The following EYS variants were observed in gnomAD, a reference collection of about 807,000 sequenced individuals.
EYS encodes the protein EGF-like photoreceptor maintenance factor.
Under a neutral mutation model 282.1 loss-of-function variants are expected in EYS, and 250 were observed. The observed-to-expected ratio is 0.89, with a 90% CI of 0.80 to 0.98. The LOEUF (loss-of-function observed/expected upper bound fraction) is 0.98, where lower values mean the gene tolerates loss of function less well. Among genes scored for constraint, EYS ranks in the 50% least tolerant of loss-of-function variants. EYS has a pLI of 0.00. For synonymous variants in EYS, 1,355 were observed against 1,282.9 expected (o/e 1.06, Z -1.20); for missense variants, 4,016 against 3,709.0 (o/e 1.08, Z -2.15).
chr6:65,028,230 A>G (rs1023939604), intron 13 of EYS, among the ~76,000 whole-genome samples: 5 of 152,068 alleles, frequency 3.3e-5, no homozygotes, highest in African/African-American at 1.2e-4. Flanking sequence ...TGCTTTACTC[A>G]GAGTCCCAAA....
At chr6:63,982,076 A>C (rs945090790) in intron 35 of EYS, among the ~76,000 whole-genome samples, 2 of 151,900 alleles carry the variant, frequency 1.3e-5, no homozygotes, top group African/African-American at 4.8e-5. Flanking sequence ...CATGCAGATA[A>C]GAGGTTTACT....
chr6:65,456,544 T>TA (rs936813366), intron 5 of EYS, among the ~76,000 whole-genome samples: 3 of 151,686 alleles, frequency 2.0e-5, no homozygotes, highest in African/African-American at 7.3e-5. Context: ...TTTATAATTA[T>TA]AAAAAAAAGA....
chr6:65,674,445 C>T (rs140392146), intron 1 of EYS, among the ~76,000 whole-genome samples: 1,521 of 105,236 alleles, frequency 0.014, 54 homozygotes, highest in African/African-American at 0.051. Context: ...AGCAAGACTC[C>T]GTCTCAAAAA....
At chr6:64,471,022 A>G (rs988939663) in intron 26 of EYS, among the ~76,000 whole-genome samples, 1 of 152,198 alleles carries the variant, frequency 6.6e-6, no homozygotes, top group Non-Finnish European at 1.5e-5. Context: ...GCCTTCTTCC[A>G]AGGGACACTA....
chr6:65,280,863 A>G (rs573759102), intron 12 of EYS, among the ~76,000 whole-genome samples: 1 of 134,860 alleles, frequency 7.4e-6, no homozygotes, highest in East Asian at 2.1e-4. Flanking sequence ...ACTAAAAAAA[A>G]AAATATATAT....
chr6:64,450,670 G>C (rs938175341), intron 26 of EYS, among the ~76,000 whole-genome samples: 1 of 152,124 alleles, frequency 6.6e-6, no homozygotes, highest in African/African-American at 2.4e-5. Context: ...TCAGACCACA[G>C]TGCAATCAAA....
intron 22 of EYS, among the ~76,000 whole-genome samples, chr6:64,633,875 G>T (rs1024128406): frequency 3.9e-5 from 6 of 152,052 alleles, no homozygotes; most frequent in African/African-American, 1.4e-4. Context: ...AATCCAGCTC[G>T]CATCTTGAGT....
intron 31 of EYS, among the ~76,000 whole-genome samples, chr6:64,093,998 A>T (rs998167154): frequency 6.6e-6 from 1 of 152,166 alleles, no homozygotes; most frequent in Admixed American, 6.5e-5. Flanking sequence ...CCTTTTCTGC[A>T]TCTATTGAGG....
rs145406932 is a variant in EYS, at chr6:65,079,478, T to G, written c.2024-21751A>C. On this transcript the variant is annotated intron_variant, in intron 12 of 42. Coordinates refer to ENST00000503581, the MANE Select transcript of EYS (RefSeq NM_001142800.2). ...CAATTCCAATGAAAAGTTATCCAAA[T>G]TAAGATGCCCTGTAAATATAAAATA... Among the ~76,000 whole-genome samples, 9 of 152,084 alleles carry G rather than the reference T, an allele frequency of 5.9e-5. No homozygotes were observed. The East Asian group carries it at 1.4e-3, about 23-fold the overall frequency.
intron 22 of EYS, among the ~76,000 whole-genome samples, chr6:64,692,999 T>TTTTTTTTTTTTTTTTTTTAG (rs1770444903): frequency 1.5e-5 from 1 of 66,072 alleles, no homozygotes; most frequent in African/African-American, 4.5e-5. Context: ...TTTTTTTTTT[T>TTTTTTTTTTTTTTTTTTTAG]GGTTCCAGAG....
intron 5 of EYS, among the ~76,000 whole-genome samples, chr6:65,468,941 A>T (rs1202918339): frequency 6.6e-6 from 1 of 152,084 alleles, no homozygotes; most frequent in Admixed American, 6.6e-5. Context: ...TTAATATTTT[A>T]TGTAGTCTCT....
At chr6:64,592,942 A>G (rs1766456145) in intron 25 of EYS, among the ~76,000 whole-genome samples, 175 bp downstream of exon 25, 1 of 152,130 alleles carries the variant, frequency 6.6e-6, no homozygotes, top group South Asian at 2.1e-4. Flanking sequence ...TTAGCAAACA[A>G]CATTGTTTAA....
At chr6:64,359,384 C>T (rs2150407815) in intron 29 of EYS, among the ~76,000 whole-genome samples, 1 of 151,672 alleles carries the variant, frequency 6.6e-6, no homozygotes, top group Admixed American at 6.6e-5. Context: ...TGATAAACTC[C>T]CTGTAAAATG....
At chr6:65,598,119 AAAACAAAC>A (rs78092251) in intron 2 of EYS, among the ~76,000 whole-genome samples, 20 of 149,558 alleles carry the variant, frequency 1.3e-4, no homozygotes, top group African/African-American at 3.2e-4. Context: ...AAAACAAAAC[AAAACAAAC>A]AAACAAACAA....
At chr6:64,950,798 C>CATATACAT (rs1300549417) in intron 14 of EYS, among the ~76,000 whole-genome samples, 1 of 54,232 alleles carries the variant, frequency 1.8e-5, no homozygotes, top group Non-Finnish European at 3.3e-5. Flanking sequence ...TATACATATA[C>CATATACAT]ATATATATAT....
chr6:65,156,133 T>C (rs1488115565), intron 12 of EYS, among the ~76,000 whole-genome samples: 1 of 151,274 alleles, frequency 6.6e-6, no homozygotes, highest in Non-Finnish European at 1.5e-5. Context: ...ATATAATTAA[T>C]GAGACCTAGT....
At chr6:65,065,762 T>C (rs1055996273) in intron 12 of EYS, among the ~76,000 whole-genome samples, 5 of 152,182 alleles carry the variant, frequency 3.3e-5, no homozygotes, top group African/African-American at 1.2e-4. Context: ...CACACATGCC[T>C]AGGAAACTTT....
chr6:63,868,293 ATTTCTATGAGTATTAAAAGTTACC>A (rs1237026638), intron 35 of EYS, among the ~76,000 whole-genome samples: 2 of 152,178 alleles, frequency 1.3e-5, no homozygotes, highest in Non-Finnish European at 2.9e-5. Flanking sequence ...ATTAACTGTC[ATTTCTATGAGTATTAAAAGTTACC>A]TTTAGAAAAA....
chr6:63,734,588 T>C (rs1197192445), intron 41 of EYS, among the ~76,000 whole-genome samples: 5 of 152,096 alleles, frequency 3.3e-5, no homozygotes, highest in African/African-American at 1.2e-4. Flanking sequence ...TGAAAAGTCA[T>C]ATTTCAAATA....
Sources: allele counts gnomAD v4.1 joint callset (sites outside exome capture counted in the v4.1 genomes callset), GRCh38; gene constraint gnomAD v4.1.1; transcripts MANE v1.5; gene names NCBI Gene and HGNC (gene_info 2026-07-23, HGNC 2026-07-21).